The following EYA2 variants were observed in gnomAD, a reference collection of about 807,000 sequenced individuals.
EYA2 encodes EYA transcriptional coactivator and phosphatase 2.
Under a neutral mutation model 69.2 loss-of-function variants are expected in EYA2, and 31 were observed. The ratio of observed to expected loss-of-function variants is 0.45; its 90% confidence interval spans 0.34 to 0.60. EYA2 has a LOEUF of 0.60. EYA2 is among the 20% of genes least tolerant of loss of function. EYA2 has a pLI of 0.02. For missense variants in EYA2, 622 were observed against 701.2 expected, an observed-to-expected ratio of 0.89 and a Z score of 1.28; for synonymous variants, 257 against 279.4, an observed-to-expected ratio of 0.92 and a Z score of 0.80.
intron 10 of EYA2, among the ~76,000 whole-genome samples, chr20:47,150,574 C>T (rs989026000): frequency 6.6e-6 from 1 of 151,506 alleles, no homozygotes; most frequent in Non-Finnish European, 1.5e-5. Context: ...CTCAAGCCAT[C>T]CTCCCACCTC....
At chr20:46,905,716 C>T (rs1298305710) in intron 1 of EYA2, among the ~76,000 whole-genome samples, 1 of 152,204 alleles carries the variant, frequency 6.6e-6, no homozygotes, top group Non-Finnish European at 1.5e-5. Context: ...TCCCCTCTAT[C>T]ACCAACCTGC....
intron 1 of EYA2, among the ~76,000 whole-genome samples, chr20:46,933,729 C>T (rs1985773458): frequency 6.6e-6 from 1 of 152,212 alleles, no homozygotes; most frequent in Non-Finnish European, 1.5e-5. Context: ...CAGCACCCCA[C>T]GCAGGATCCT....
At chr20:47,105,622 C>CT (rs201494378) in intron 9 of EYA2, among the ~76,000 whole-genome samples, 650 of 54,398 alleles carry the variant, frequency 0.012, 34 homozygotes, top group African/African-American at 0.04. Context: ...AAGACTCTGT[C>CT]CCAAAAAAAA....
chr20:47,056,952 G>A (rs1393024665), intron 5 of EYA2, among the ~76,000 whole-genome samples: 1 of 151,946 alleles, frequency 6.6e-6, no homozygotes, highest in Admixed American at 6.6e-5. Flanking sequence ...GGCTGAGGTG[G>A]GAGGATCGCC....
intron 10 of EYA2, among the ~76,000 whole-genome samples, chr20:47,162,131 G>C (rs952949335): frequency 1.3e-5 from 2 of 152,030 alleles, no homozygotes; most frequent in African/African-American, 4.8e-5. Flanking sequence ...GGCATTCTTC[G>C]TCTTCTGTCT....
intron 5 of EYA2, among the ~76,000 whole-genome samples, chr20:47,062,851 G>A (rs1302584579): frequency 2.0e-5 from 3 of 152,280 alleles, no homozygotes; most frequent in Non-Finnish European, 2.9e-5. Context: ...CCTCAACTCC[G>A]GAGTGGGGCT....
rs549116883 is a variant in EYA2, at chr20:47,011,169, A to AT, written c.299-5010dup. Among the ~76,000 whole-genome samples the AT allele has an allele frequency of 2.0e-4, 30 of 152,240 alleles. No homozygotes were observed. The South Asian group carries it at 6.0e-3, about 31-fold the overall frequency. ...GAAAACCAAGCAAGTGGTGCACAAC[A>AT]TTGAAGATGGGGAAGCACTAATTTG... On this transcript the variant is annotated intron_variant, in intron 4 of 15. Transcript: ENST00000327619.
At chr20:46,949,331 G>C (rs530312031) in intron 1 of EYA2, among the ~76,000 whole-genome samples, 26 of 152,328 alleles carry the variant, frequency 1.7e-4, no homozygotes, top group Admixed American at 3.9e-4. Flanking sequence ...TGGGGAGTGG[G>C]GAGGGTTTAA....
intron 10 of EYA2, among the ~76,000 whole-genome samples, chr20:47,145,373 A>G (rs1205815306): frequency 6.6e-6 from 1 of 152,138 alleles, no homozygotes; most frequent in Admixed American, 6.6e-5. Flanking sequence ...GAGAACAAGC[A>G]TGAAGGCCCC....
chr20:47,040,237 T>C (rs1304778308), intron 5 of EYA2, among the ~76,000 whole-genome samples: 1 of 152,228 alleles, frequency 6.6e-6, no homozygotes, highest in Non-Finnish European at 1.5e-5. Flanking sequence ...CCATCTTTTC[T>C]ACAGTATTGG....
chr20:47,072,025 G>A (rs1017340758), intron 5 of EYA2, 160 bp from the exon 6 acceptor site: 1 of 685,892 alleles, frequency 1.5e-6, no homozygotes, highest in African/African-American at 1.8e-5. Flanking sequence ...GGGTTGCTTT[G>A]GGAACGCTGG....
intron 1 of EYA2, among the ~76,000 whole-genome samples, chr20:46,920,983 C>T (rs1057044910): frequency 1.3e-5 from 2 of 152,242 alleles, no homozygotes; most frequent in Non-Finnish European, 2.9e-5. Context: ...CATCTAACTG[C>T]TAATCATAGC....
At chr20:47,156,017 A>AATAT (rs556903919) in intron 10 of EYA2, among the ~76,000 whole-genome samples, 2,098 of 132,608 alleles carry the variant, frequency 0.016, 87 homozygotes, top group African/African-American at 0.054. Flanking sequence ...TCTCTACTTA[A>AATAT]ATATATATAT....
At chr20:47,098,804 A>G (rs961478237) in intron 9 of EYA2, among the ~76,000 whole-genome samples, 1 of 152,188 alleles carries the variant, frequency 6.6e-6, no homozygotes, top group Non-Finnish European at 1.5e-5. Context: ...ATCACTCTCC[A>G]GCCGAAAAAT....
intron 1 of EYA2, among the ~76,000 whole-genome samples, chr20:46,908,065 C>T (rs977503054): frequency 7.2e-5 from 11 of 152,168 alleles, no homozygotes; most frequent in African/African-American, 1.9e-4. Flanking sequence ...CTGTGCCTCC[C>T]GCTTCCATTT....
At chr20:47,129,751 T>G (rs2033289936) in intron 9 of EYA2, among the ~76,000 whole-genome samples, 1 of 152,124 alleles carries the variant, frequency 6.6e-6, no homozygotes, top group Admixed American at 6.6e-5. Context: ...CCCCCTCTCT[T>G]GGTGATGGAC....
At chr20:46,906,873 G>T (rs532509805) in intron 1 of EYA2, among the ~76,000 whole-genome samples, 1 of 152,302 alleles carries the variant, frequency 6.6e-6, no homozygotes, top group South Asian at 2.1e-4. Context: ...ATTAAGGACA[G>T]GCATGAGAAG....
intron 15 of EYA2, 139 bp from the exon 16 acceptor site, chr20:47,187,914 A>T: frequency 1.2e-6 from 1 of 810,660 alleles, no homozygotes. Context: ...TGCCAGCAAC[A>T]TCAAGTGCCC....
At chr20:46,909,674 G>A (rs978506688) in intron 1 of EYA2, among the ~76,000 whole-genome samples, 6 of 152,218 alleles carry the variant, frequency 3.9e-5, no homozygotes, top group African/African-American at 1.4e-4. Flanking sequence ...CTGTTCAAGA[G>A]GATTCTGTAC....
Sources: allele counts gnomAD v4.1 joint callset (sites outside exome capture counted in the v4.1 genomes callset), GRCh38; gene constraint gnomAD v4.1.1; transcripts MANE v1.5; gene names NCBI Gene and HGNC (gene_info 2026-07-23, HGNC 2026-07-21).